B3GALT1: variants seen among roughly 807,000 people sequenced by gnomAD.
B3GALT1 encodes UDP-Gal:betaGlcNAc beta 1,3-galactosyltransferase, polypeptide 1.
B3GALT1 carries 10 observed loss-of-function variants against 23.2 expected under a neutral mutation model. The ratio of observed to expected loss-of-function variants is 0.43; its 90% CI spans 0.27 to 0.73. B3GALT1 has a LOEUF of 0.73. Ranked by LOEUF, B3GALT1 falls within the 30% of genes least tolerant of loss-of-function variation. The probability of loss-of-function intolerance (pLI) is 0.21; values close to 1 mark genes in which losing one functional copy is unlikely to be tolerated. For missense variants in B3GALT1, 299 were observed against 405.4 expected (o/e 0.74, Z 2.25); for synonymous variants, 156 against 141.5 (o/e 1.10, Z -0.73).
At chr2:167,849,265 A>G (rs1161061183) in intron 4 of B3GALT1, among the ~76,000 whole-genome samples, 1 of 152,236 alleles carries the variant, frequency 6.6e-6, no homozygotes, top group African/African-American at 2.4e-5. Context: ...ATGAGCCTGC[A>G]TAGTCAAAGC....
At chr2:167,383,140 G>A (rs530497924) in intron 1 of B3GALT1, among the ~76,000 whole-genome samples, 3 of 150,402 alleles carry the variant, frequency 2.0e-5, no homozygotes, top group African/African-American at 7.3e-5. Flanking sequence ...TTGTTTTAAA[G>A]TTGGATTTGA....
intron 4 of B3GALT1, among the ~76,000 whole-genome samples, chr2:167,844,465 A>C (rs1309646889): frequency 6.6e-6 from 1 of 152,200 alleles, no homozygotes; most frequent in Non-Finnish European, 1.5e-5. Context: ...CTCCTCTCCC[A>C]AACACACACC....
At chr2:167,619,945 A>G (rs1685227625) in intron 2 of B3GALT1, among the ~76,000 whole-genome samples, 1 of 152,158 alleles carries the variant, frequency 6.6e-6, no homozygotes. Context: ...CATTAAACAA[A>G]CAAATACTGA....
intron 1 of B3GALT1, among the ~76,000 whole-genome samples, chr2:167,408,804 A>AC (rs1487424671): frequency 4.7e-5 from 4 of 85,502 alleles, no homozygotes; most frequent in African/African-American, 7.8e-5. Context: ...TATACAAAAA[A>AC]AAAAAAAAAC....
rs981753376 is a variant in B3GALT1, at chr2:167,727,030, C to G, written c.-352+80064C>G. On this transcript the variant is annotated intron_variant, in intron 3 of 4. Coordinates refer to ENST00000392690, the MANE Select transcript of B3GALT1 (RefSeq NM_020981.4). ...AAAACCTTTGACCCCTTTCTTTGTC[C>G]CAGGTAACAGGCAATTAAATCAGAG... 1.4e-3 allele frequency among the ~76,000 whole-genome samples: 210 copies of G among 152,214 alleles called. 4 individuals carry two copies. Among genetic ancestry groups the G allele is most frequent in the Non-Finnish European group, 8.8e-5 (6 of 68,026 alleles).
intron 2 of B3GALT1, among the ~76,000 whole-genome samples, chr2:167,646,559 G>A (rs1387907421): frequency 1.3e-5 from 2 of 152,060 alleles, no homozygotes; most frequent in African/African-American, 4.8e-5. Context: ...GCCATCACAG[G>A]ATCTTCTAAT....
At chr2:167,541,213 T>A (rs1259793695) in intron 2 of B3GALT1, among the ~76,000 whole-genome samples, 1 of 152,188 alleles carries the variant, frequency 6.6e-6, no homozygotes, top group Non-Finnish European at 1.5e-5. Flanking sequence ...ACCGATCATA[T>A]GATCAAGAGG....
At chr2:167,559,494 G>A (rs190210715) in intron 2 of B3GALT1, among the ~76,000 whole-genome samples, 467 of 152,282 alleles carry the variant, frequency 3.1e-3, no homozygotes, top group Non-Finnish European at 5.1e-3. Flanking sequence ...GGCTTCAGAC[G>A]ATCGAACTAC....
intron 2 of B3GALT1, among the ~76,000 whole-genome samples, chr2:167,502,299 A>T (rs1481123472): frequency 6.6e-6 from 1 of 152,218 alleles, no homozygotes; most frequent in Non-Finnish European, 1.5e-5. Context: ...CAGGAGAAAG[A>T]TCAGTGAAAG....
chr2:167,555,209 GAC>G (rs1035184197), intron 2 of B3GALT1, among the ~76,000 whole-genome samples: 1 of 152,168 alleles, frequency 6.6e-6, no homozygotes, highest in African/African-American at 2.4e-5. Context: ...CATAGGAATA[GAC>G]AGTTATTGAA....
At chr2:167,409,684 A>G (rs1398164659) in intron 1 of B3GALT1, among the ~76,000 whole-genome samples, 2 of 151,984 alleles carry the variant, frequency 1.3e-5, no homozygotes, top group Non-Finnish European at 2.9e-5. Context: ...GCTTCCTTGC[A>G]TTGGGTTAGA....
At chr2:167,323,453 T>C (rs1574032448) in intron 1 of B3GALT1, among the ~76,000 whole-genome samples, 1 of 152,206 alleles carries the variant, frequency 6.6e-6, no homozygotes, top group East Asian at 1.9e-4. Flanking sequence ...AATGAATGAT[T>C]ATCTTTTTGA....
intron 2 of B3GALT1, among the ~76,000 whole-genome samples, chr2:167,540,559 A>G (rs1683518176): frequency 6.6e-6 from 1 of 152,142 alleles, no homozygotes; most frequent in Admixed American, 6.5e-5. Flanking sequence ...TCTTTCATTC[A>G]AATTCTGCCA....
intron 2 of B3GALT1, among the ~76,000 whole-genome samples, chr2:167,551,214 C>G (rs1447042854): frequency 6.6e-6 from 1 of 152,012 alleles, no homozygotes; most frequent in East Asian, 1.9e-4. Flanking sequence ...TTTTGGTGAA[C>G]AGCTAGCCAG....
At chr2:167,823,067 T>G (rs1261647537) in intron 4 of B3GALT1, among the ~76,000 whole-genome samples, 1 of 152,160 alleles carries the variant, frequency 6.6e-6, no homozygotes, top group African/African-American at 2.4e-5. Context: ...GAGGTATGCC[T>G]CCTCTATGCT....
At chr2:167,564,230 G>T (rs541001727) in intron 2 of B3GALT1, among the ~76,000 whole-genome samples, 15 of 151,370 alleles carry the variant, frequency 9.9e-5, no homozygotes, top group African/African-American at 2.9e-4. Flanking sequence ...GGACGGGGCG[G>T]CAGGGCAGAG....
At chr2:167,589,703 T>C (rs1230641617) in intron 2 of B3GALT1, among the ~76,000 whole-genome samples, 1 of 152,120 alleles carries the variant, frequency 6.6e-6, no homozygotes, top group African/African-American at 2.4e-5. Flanking sequence ...TTTATTAGGC[T>C]ACATTAAAAT....
chr2:167,339,781 A>C lies in B3GALT1; in HGVS notation c.-511+46447A>C, dbSNP rs1379377253. On this transcript the variant is annotated intron_variant, in intron 1 of 4. Transcript: ENST00000392690. ...TTAACTAAAAACAAATAGAAAAATT[A>C]ATTAATTACAAAAATAGCAAGCAGA... 2.0e-5 allele frequency among the ~76,000 whole-genome samples: 3 copies of C among 152,200 alleles called. 1 individual carries two copies. The South Asian group carries it at 6.2e-4, about 32-fold the overall frequency.
intron 1 of B3GALT1, among the ~76,000 whole-genome samples, chr2:167,446,661 T>G (rs1407896412): frequency 6.6e-6 from 1 of 152,232 alleles, no homozygotes; most frequent in African/African-American, 2.4e-5. Context: ...AATCGGCTAC[T>G]GAAGCTTGTG....
Sources: gnomAD v4.1 joint callset for allele counts (sites outside exome capture counted in the v4.1 genomes callset) on GRCh38, gnomAD v4.1.1 for gene constraint, MANE v1.5 for transcripts, NCBI Gene and HGNC (gene_info 2026-07-23, HGNC 2026-07-21) for gene names.